ESRRG: variants seen among roughly 807,000 people sequenced by gnomAD.
ESRRG encodes estrogen related receptor gamma.
In ESRRG, 13 loss-of-function variants were observed where a neutral mutation model predicts 44.0. The observed-to-expected ratio is 0.30, with a 90% CI of 0.19 to 0.47. The LOEUF is 0.47. Ranked by LOEUF, ESRRG falls within the 20% of genes least tolerant of loss-of-function variation. The pLI is 1.00. For synonymous variants in ESRRG, 215 were observed against 214.6 expected, an observed-to-expected ratio of 1.00 and a Z score of -0.02; for missense variants, 395 against 580.6, an observed-to-expected ratio of 0.68 and a Z score of 3.29.
intron 5 of ESRRG, among the ~76,000 whole-genome samples, chr1:216,525,474 A>G (rs2047360808): frequency 6.6e-6 from 1 of 151,592 alleles, no homozygotes; most frequent in African/African-American, 2.4e-5. Flanking sequence ...AAGAAGAAAG[A>G]AAAAATGTGG....
At chr1:216,655,510 C>T (rs1344667397) in intron 2 of ESRRG, among the ~76,000 whole-genome samples, 2 of 152,130 alleles carry the variant, frequency 1.3e-5, no homozygotes, top group African/African-American at 4.8e-5. Context: ...CCCAGAGCGA[C>T]AGCAAATACA....
chr1:216,873,596 C>T (rs1044805313), intron 2 of ESRRG, among the ~76,000 whole-genome samples: 2 of 151,916 alleles, frequency 1.3e-5, no homozygotes, highest in South Asian at 4.2e-4. Context: ...TTCTTGGGGT[C>T]CTCTTTTCAG....
chr1:217,126,136 G>C (rs577060331), intron 1 of ESRRG, among the ~76,000 whole-genome samples: 35 of 152,124 alleles, frequency 2.3e-4, no homozygotes, highest in African/African-American at 7.5e-4. Context: ...CTAGTTGTGC[G>C]GTCATGGGCA....
chr1:217,008,946 T>G (rs1457827799), intron 1 of ESRRG, among the ~76,000 whole-genome samples: 1 of 152,208 alleles, frequency 6.6e-6, no homozygotes, highest in Non-Finnish European at 1.5e-5. Flanking sequence ...GAGATTTTAG[T>G]GGCCAGATTT....
intron 3 of ESRRG, among the ~76,000 whole-genome samples, chr1:216,626,190 T>C (rs1171924336): frequency 6.6e-6 from 1 of 152,224 alleles, no homozygotes; most frequent in East Asian, 1.9e-4. Flanking sequence ...ACATTTCTTT[T>C]TACTACTTCT....
At chr1:216,725,167 C>T (rs2087238589), upstream of ESRRG, among the ~76,000 whole-genome samples, 1 of 152,060 alleles carries the variant, frequency 6.6e-6, no homozygotes, top group Admixed American at 6.5e-5. Context: ...ATTTCACTGC[C>T]TTGTATTTAG....
At chr1:216,824,368 C>T (rs186785784) in intron 2 of ESRRG, among the ~76,000 whole-genome samples, 9 of 152,212 alleles carry the variant, frequency 5.9e-5, no homozygotes, top group Non-Finnish European at 1.0e-4. Context: ...ATCACTTGAA[C>T]AGGGGAGGGG....
intron 1 of ESRRG, among the ~76,000 whole-genome samples, chr1:217,070,416 C>T (rs975342099): frequency 1.1e-4 from 17 of 151,028 alleles, no homozygotes; most frequent in Admixed American, 2.0e-4. Context: ...GAGTCTCACA[C>T]TATCGCCCAG....
upstream of ESRRG, among the ~76,000 whole-genome samples, chr1:216,727,814 A>T (rs1326906775): frequency 4.0e-5 from 6 of 150,512 alleles, no homozygotes; most frequent in Admixed American, 6.6e-5. Flanking sequence ...GCCTATATAT[A>T]AAAAAAAGCC....
intron 1 of ESRRG, among the ~76,000 whole-genome samples, chr1:216,948,486 A>T: frequency 6.6e-6 from 1 of 151,514 alleles, no homozygotes; most frequent in Admixed American, 6.6e-5. Context: ...CAAAAAAAAA[A>T]AAAAAAAAAG....
intron 3 of ESRRG, among the ~76,000 whole-genome samples, chr1:216,576,607 A>AT (rs577326364): frequency 7.9e-5 from 12 of 151,890 alleles, no homozygotes; most frequent in African/African-American, 2.9e-4. Flanking sequence ...CTCTTCTTCT[A>AT]TTTTTTTCCC....
At chr1:217,104,583 G>T (rs1265105841) in intron 1 of ESRRG, among the ~76,000 whole-genome samples, 1 of 152,124 alleles carries the variant, frequency 6.6e-6, no homozygotes, top group African/African-American at 2.4e-5. Context: ...ATTTTTAAAG[G>T]ATGATGGGGT....
At chr1:216,958,987 T>C (rs928113056) in intron 1 of ESRRG, among the ~76,000 whole-genome samples, 3 of 152,174 alleles carry the variant, frequency 2.0e-5, no homozygotes, top group Non-Finnish European at 4.4e-5. Flanking sequence ...ATTTTTCCCG[T>C]AACACTTACC....
chr1:216,558,626 C>T (rs2058070960), intron 5 of ESRRG, among the ~76,000 whole-genome samples: 1 of 151,926 alleles, frequency 6.6e-6, no homozygotes. Context: ...ATTATTTATA[C>T]ATATAAATAA....
At chr1:216,821,708 ATAAATAAAT>A (rs2095298416) in intron 2 of ESRRG, among the ~76,000 whole-genome samples, 2 of 140,808 alleles carry the variant, frequency 1.4e-5, no homozygotes, top group Non-Finnish European at 3.1e-5. Context: ...AAATAAATAA[ATAAATAAAT>A]AAATAAATAA....
chr1:216,716,027 C>T (rs1172826896), intron 1 of ESRRG, among the ~76,000 whole-genome samples: 1 of 151,828 alleles, frequency 6.6e-6, no homozygotes, highest in Admixed American at 6.6e-5. Context: ...ATATGCCATA[C>T]AAAAAGAAAG....
Position 216,617,539 on chromosome 1 carries a change from T to C in ESRRG, c.589+33434A>G, listed in dbSNP as rs182141671. Among the ~76,000 whole-genome samples the C allele has an allele frequency of 1.8e-3, 275 of 150,920 alleles. 1 individual carries two copies. Among genetic ancestry groups the C allele is most frequent in the Admixed American group, 8.1e-3 (123 of 15,132 alleles). On this transcript the variant is annotated intron_variant, in intron 3 of 6. Coordinates refer to ENST00000408911, the MANE Select transcript of ESRRG (RefSeq NM_001438.4). ...AAAAGTTGAGGATGGGGACTTACGA[T>C]GTGAGGAAATGTAGTATCATACAGC...
intron 1 of ESRRG, among the ~76,000 whole-genome samples, chr1:217,047,565 T>A (rs1453466613): frequency 4.6e-5 from 7 of 152,220 alleles, no homozygotes. Context: ...GGAGACCTTG[T>A]TTCTATTTTT....
At chr1:217,042,494 A>G (rs1167924642) in intron 1 of ESRRG, among the ~76,000 whole-genome samples, 1 of 151,232 alleles carries the variant, frequency 6.6e-6, no homozygotes. Context: ...ACACACACAC[A>G]CACACACACA....
Sources: gnomAD v4.1 joint callset for allele counts (sites outside exome capture counted in the v4.1 genomes callset) on GRCh38, gnomAD v4.1.1 for gene constraint, MANE v1.5 for transcripts, NCBI Gene and HGNC (gene_info 2026-07-23, HGNC 2026-07-21) for gene names.